The following ABCB1 variants were observed in gnomAD, a reference collection of about 807,000 sequenced individuals.
The protein encoded by ABCB1 is ATP-dependent translocase ABCB1.
A neutral mutation model predicts 142.0 loss-of-function variants in ABCB1; 69 were observed. The ratio of observed to expected loss-of-function variants is 0.49; its 90% CI spans 0.40 to 0.59. The LOEUF is 0.59. Among genes scored for constraint, ABCB1 ranks in the 20% least tolerant of loss-of-function variants. The probability of loss-of-function intolerance (pLI) is 0.00; values close to 1 mark genes in which losing one functional copy is unlikely to be tolerated. For missense variants in ABCB1, 1,326 were observed against 1,554.7 expected (o/e 0.85, Z 2.47); for synonymous variants, 532 against 539.2 (o/e 0.99, Z 0.18).
At chr7:87,628,620 TGTGTGG>T (rs1194605298) in intron 1 of ABCB1, 124 of 327,088 alleles carry the variant, frequency 3.8e-4, no homozygotes, top group Admixed American at 6.5e-4. Flanking sequence ...TGTGTGTGTG[TGTGTGG>T]AGCTCGGGTG....
chr7:87,587,003 T>A (rs546093170), intron 3 of ABCB1, among the ~76,000 whole-genome samples: 1 of 152,332 alleles, frequency 6.6e-6, no homozygotes, highest in South Asian at 2.1e-4. Context: ...TAACTTTCCA[T>A]GTTATTTATG....
At chr7:87,525,971 C>G (rs755910715) in intron 21 of ABCB1, among the ~76,000 whole-genome samples, 3 of 152,110 alleles carry the variant, frequency 2.0e-5, no homozygotes, top group Admixed American at 6.6e-5. Context: ...CCTGAATAAC[C>G]GAAACTCTTT....
At chr7:87,560,382 A>G (rs925089026) in intron 8 of ABCB1, among the ~76,000 whole-genome samples, 56 of 152,322 alleles carry the variant, frequency 3.7e-4, no homozygotes, top group African/African-American at 1.3e-3. Context: ...AGTTAAAAAA[A>G]TTATGCAATG....
At chr7:87,546,958 C>T (rs772787634) in intron 14 of ABCB1, among the ~76,000 whole-genome samples, 3 of 152,304 alleles carry the variant, frequency 2.0e-5, no homozygotes, top group East Asian at 1.9e-4. Flanking sequence ...GTACTCAACA[C>T]TGTGCCTTAT....
chr7:87,693,879 G>GTGT (rs772869213), intron 1 of ABCB1: 5 of 1,597,722 alleles, frequency 3.1e-6, no homozygotes, highest in East Asian at 2.2e-5. Flanking sequence ...AAATATCTGT[G>GTGT]TGTTGTTGTT....
At chr7:87,529,150 A>C (rs1220306648) in intron 21 of ABCB1, among the ~76,000 whole-genome samples, 2 of 152,212 alleles carry the variant, frequency 1.3e-5, no homozygotes, top group Admixed American at 1.3e-4. Context: ...TAAGAATGGA[A>C]GAAGTTGAAG....
chr7:87,571,090 C>T (rs534437381), intron 4 of ABCB1, among the ~76,000 whole-genome samples: 1 of 152,200 alleles, frequency 6.6e-6, no homozygotes, highest in Non-Finnish European at 1.5e-5. Context: ...TTATCACAAT[C>T]GAGACTGCAA....
intron 1 of ABCB1, among the ~76,000 whole-genome samples, chr7:87,622,389 G>T (rs1584928876): frequency 1.3e-5 from 2 of 152,158 alleles, no homozygotes; most frequent in East Asian, 3.8e-4. Context: ...ATTGCTCTTT[G>T]CTTGTTATGC....
At chr7:87,552,187 CA>C (rs28381889) in intron 9 of ABCB1, among the ~76,000 whole-genome samples, 452 of 152,156 alleles carry the variant, frequency 3.0e-3, no homozygotes, top group African/African-American at 0.01. Context: ...TTGTTTTGTG[CA>C]AATCAGTTTC....
At position 87,640,925 on chromosome 7, in the gene ABCB1, A is replaced by G. The variant is rs559831480; in HGVS notation, c.-330-39847T>C. On this transcript the variant is annotated intron_variant, in intron 1 of 28. Coordinates refer to the ABCB1 transcript ENST00000265724. Reference sequence around the variant, plus strand: ...ATTTTAAAAACCTGTCTTTTTACCTATGTACTTCATTTCTTCTCATCTCTT... The same window carrying G: ...ATTTTAAAAACCTGTCTTTTTACCTGTGTACTTCATTTCTTCTCATCTCTT... 5.3e-5 allele frequency among the ~76,000 whole-genome samples: 8 copies of G among 152,072 alleles called. No individual in the cohort carries two copies. In the South Asian group the frequency reaches 1.5e-3, roughly 28 times the overall value.
At chr7:87,576,577 A>G (rs1032761850) in intron 4 of ABCB1, among the ~76,000 whole-genome samples, 2 of 151,758 alleles carry the variant, frequency 1.3e-5, no homozygotes, top group African/African-American at 2.4e-5. Flanking sequence ...TAAATGTTCA[A>G]TGAGGGTTGG....
intron 14 of ABCB1, among the ~76,000 whole-genome samples, chr7:87,546,529 C>G (rs1400838421): frequency 1.3e-5 from 2 of 150,456 alleles, no homozygotes; most frequent in Non-Finnish European, 3.0e-5. Flanking sequence ...GCACTCCAGC[C>G]TGGGTGACAG....
rs546186908 is a variant in ABCB1, at chr7:87,655,333, C to G, written c.-330-54255G>C. ...AGGACTCAACCTAATTGTCCATCTA[C>G]TGATGAGTCGATAAAAAAAAAGTTG... On this transcript the variant is annotated intron_variant, in intron 1 of 28. Coordinates refer to the ABCB1 transcript ENST00000265724. Among the ~76,000 whole-genome samples, 3 of 152,108 alleles carry G rather than the reference C, an allele frequency of 2.0e-5. No individual in the cohort carries two copies. In the South Asian group the frequency reaches 6.2e-4, roughly 32 times the overall value.
intron 1 of ABCB1, among the ~76,000 whole-genome samples, chr7:87,646,544 T>C (rs1362216947): frequency 1.3e-5 from 2 of 152,196 alleles, no homozygotes; most frequent in African/African-American, 4.8e-5. Context: ...TTGAGCAGTG[T>C]GGATGCAGAG....
rs1241797652 is a variant in ABCB1 at position 87,539,351 on chromosome 7, G to T, written c.2320-6C>A. The T allele has an allele frequency of 6.2e-7, 1 of 1,613,804 alleles. No homozygotes were observed. Among genetic ancestry groups the T allele is most frequent in the African/African-American group, 1.3e-5 (1 of 74,910 alleles). On this transcript the variant is annotated splice_polypyrimidine_tract_variant and splice_region_variant and intron_variant, in intron 18 of 27. Transcript: ENST00000622132. ...GCTTTGCCAAATGTGAAACCCTGTG[G>T]GCAGGAACATACCTTGTCAGGGACC...
intron 1 of ABCB1, among the ~76,000 whole-genome samples, chr7:87,675,747 A>G (rs2083435010): frequency 6.6e-6 from 1 of 151,728 alleles, no homozygotes; most frequent in African/African-American, 2.4e-5. Context: ...TATCATACAC[A>G]AAAATCAACT....
chr7:87,618,241 T>C (rs1820092704), intron 1 of ABCB1, among the ~76,000 whole-genome samples: 1 of 152,210 alleles, frequency 6.6e-6, no homozygotes, highest in Non-Finnish European at 1.5e-5. Flanking sequence ...TATAAATATG[T>C]ATATGTTGAT....
intron 5 of ABCB1, among the ~76,000 whole-genome samples, 173 bp from the exon 6 acceptor site, chr7:87,567,149 C>A (rs1205976117): frequency 1.3e-5 from 2 of 152,160 alleles, no homozygotes; most frequent in East Asian, 3.8e-4. Context: ...TATGTTTGCA[C>A]CAATATGGTG....
At position 87,556,446 on chromosome 7, in the gene ABCB1, C is replaced by G. The variant is rs1208913518; in HGVS notation, c.828-2514G>C. Among the ~76,000 whole-genome samples the G allele has an allele frequency of 1.1e-4, 17 of 152,216 alleles. 1 individual carries two copies. Among genetic ancestry groups the G allele is most frequent in the Admixed American group, 1.0e-3 (16 of 15,290 alleles). On this transcript the variant is annotated intron_variant, in intron 8 of 27. Transcript: ENST00000622132. Reference sequence around the variant, plus strand: ...TCAAAGAGAGCCAGCTTCCCTCCTGCACTGCTAATTTGAAGAGAAAGCCAG... The same window carrying G: ...TCAAAGAGAGCCAGCTTCCCTCCTGGACTGCTAATTTGAAGAGAAAGCCAG...
Sources: allele counts gnomAD v4.1 joint callset (sites outside exome capture counted in the v4.1 genomes callset), GRCh38; gene constraint gnomAD v4.1.1; transcripts MANE v1.5; gene names NCBI Gene and HGNC (gene_info 2026-07-23, HGNC 2026-07-21).